DCHS2: variants seen among roughly 807,000 people sequenced by gnomAD.
DCHS2 encodes protocadherin-23.
In DCHS2, 142 loss-of-function variants were observed where a neutral mutation model predicts 182.4. That is an observed-to-expected ratio of 0.78 (90% confidence interval 0.68 to 0.89). The LOEUF is 0.89. Ranked by LOEUF, DCHS2 falls within the 40% of genes least tolerant of loss-of-function variation. DCHS2 has a pLI of 0.00. For synonymous variants in DCHS2, 1,740 were observed against 1,663.3 expected (o/e 1.05, Z -1.12); for missense variants, 4,319 against 4,198.6 (o/e 1.03, Z -0.79).
At chr4:154,454,662 T>A (rs1056266281) in intron 1 of DCHS2, among the ~76,000 whole-genome samples, 1 of 152,140 alleles carries the variant, frequency 6.6e-6, no homozygotes, top group Admixed American at 6.6e-5. Flanking sequence ...ATTTTTAGTC[T>A]TTCCAAGTTC....
chr4:154,320,118 A>G (rs576357207), intron 9 of DCHS2, among the ~76,000 whole-genome samples: 1 of 152,186 alleles, frequency 6.6e-6, no homozygotes, highest in Admixed American at 6.5e-5. Flanking sequence ...TTCCATTTAC[A>G]TGAAGTATCT....
At chr4:154,340,306 T>C (rs1729005445) in intron 3 of DCHS2, among the ~76,000 whole-genome samples, 2 of 152,212 alleles carry the variant, frequency 1.3e-5, no homozygotes, top group Non-Finnish European at 2.9e-5. Context: ...CCTGAGGTTA[T>C]AATAAACAAA....
intron 10 of DCHS2, among the ~76,000 whole-genome samples, chr4:154,309,511 T>C (rs1005481974): frequency 5.9e-5 from 9 of 152,192 alleles, no homozygotes; most frequent in African/African-American, 1.9e-4. Context: ...TTAGGGGTGG[T>C]AGCTGCCTTC....
At chr4:154,323,135 A>G in intron 7 of DCHS2, 4 of 1,447,982 alleles carry the variant, frequency 2.8e-6, no homozygotes, top group Non-Finnish European at 3.7e-6. Context: ...GACATTTTCC[A>G]TGATCTAGAT....
chr4:154,404,358 AT>A (rs1442959786), intron 1 of DCHS2, among the ~76,000 whole-genome samples: 6 of 152,152 alleles, frequency 3.9e-5, no homozygotes, highest in African/African-American at 7.2e-5. Flanking sequence ...TTTATTTCTA[AT>A]TTAATTCCAT....
Position 154,333,404 on chromosome 4 carries a change from CG to C in DCHS2, c.2803del (p.Arg935GlyfsTer33), listed in dbSNP as rs1238988859. 3.4e-5 allele frequency: 55 copies of C among 1,613,944 alleles called. No individual in the cohort carries two copies. Among genetic ancestry groups the C allele is most frequent in the Non-Finnish European group, 4.5e-5 (53 of 1,180,026 alleles). Reference sequence around the variant, plus strand: ...CTGCGTCTCGTGATCCAGGGGCTTCCGGGTGCGAATAGTGCCCAGCCGCGGG... The same window carrying C: ...CTGCGTCTCGTGATCCAGGGGCTTCCGGTGCGAATAGTGCCCAGCCGCGGG... ...IHPRLGTIRT[R>X]KPLDHETQPV... On this transcript the variant is annotated frameshift_variant, in exon 5 of 20. Coordinates refer to ENST00000357232, the MANE Select transcript of DCHS2 (RefSeq NM_001358235.2). LOFTEE classifies it high-confidence loss of function.
intron 3 of DCHS2, among the ~76,000 whole-genome samples, chr4:154,335,777 T>C (rs1728774708): frequency 6.6e-6 from 1 of 152,234 alleles, no homozygotes; most frequent in Admixed American, 6.5e-5. Context: ...CAAAACAATG[T>C]CAAATTATGT....
intron 1 of DCHS2, among the ~76,000 whole-genome samples, chr4:154,379,512 G>A (rs1481737926): frequency 1.3e-5 from 2 of 152,170 alleles, no homozygotes; most frequent in Non-Finnish European, 2.9e-5. Context: ...ACTTAAGCAC[G>A]AGGAAAGTTA....
At chr4:154,287,420 C>T (rs1025633473) in intron 13 of DCHS2, among the ~76,000 whole-genome samples, 1 of 152,088 alleles carries the variant, frequency 6.6e-6, no homozygotes, top group African/African-American at 2.4e-5. Context: ...ATAGTCAAGA[C>T]AGTACAATAA....
At chr4:154,425,957 A>T (rs183984885) in intron 1 of DCHS2, among the ~76,000 whole-genome samples, 1 of 152,234 alleles carries the variant, frequency 6.6e-6, no homozygotes, top group Admixed American at 6.5e-5. Context: ...TTAGATTTGG[A>T]TGCTTTGGAG....
At chr4:154,350,413 A>G (rs1015200107) in intron 3 of DCHS2, among the ~76,000 whole-genome samples, 1 of 152,090 alleles carries the variant, frequency 6.6e-6, no homozygotes, top group Non-Finnish European at 1.5e-5. Context: ...AGTTTTTTTT[A>G]AATTTTTTTT....
intron 1 of DCHS2, among the ~76,000 whole-genome samples, chr4:154,410,950 C>A (rs1030207267): frequency 6.6e-6 from 1 of 152,068 alleles, no homozygotes; most frequent in South Asian, 2.1e-4. Flanking sequence ...ACCTTGCAGA[C>A]CAGGAGAGAA....
Position 154,255,682 on chromosome 4 carries a change from C to A in DCHS2, c.6790-12G>T, listed in dbSNP as rs201764682. The A allele has an allele frequency of 8.7e-6, 14 of 1,609,514 alleles. No homozygotes were observed. Among genetic ancestry groups the A allele is most frequent in the East Asian group, 2.2e-5 (1 of 44,640 alleles). ...TCGGTAGCAAAAACCTGTGAGGAAC[C>A]GACTGTTTCATTAGATAAGATTTAT... On this transcript the variant is annotated splice_polypyrimidine_tract_variant and intron_variant, in intron 15 of 19. Coordinates refer to ENST00000357232, the MANE Select transcript of DCHS2 (RefSeq NM_001358235.2).
Position 154,270,027 on chromosome 4 carries a change from G to A in DCHS2, c.6464-14C>T, listed in dbSNP as rs373300419. On this transcript the variant is annotated splice_polypyrimidine_tract_variant and intron_variant, in intron 13 of 19. Transcript: ENST00000357232. Reference sequence around the variant, plus strand: ...CAATAGAAGTACCTGTAAAAATTAGGTAAAAAAAGAACTCCATTAGGATAA... The same window carrying A: ...CAATAGAAGTACCTGTAAAAATTAGATAAAAAAAGAACTCCATTAGGATAA... 37 of 1,582,478 alleles carry A rather than the reference G, an allele frequency of 2.3e-5. No individual in the cohort carries two copies. The highest frequency in any genetic ancestry group is 3.2e-5 in the Non-Finnish European group (37 of 1,170,764).
chr4:154,347,169 T>A (rs527798873), intron 3 of DCHS2, among the ~76,000 whole-genome samples: 1 of 151,090 alleles, frequency 6.6e-6, no homozygotes, highest in African/African-American at 2.5e-5. Flanking sequence ...TGATTCTATA[T>A]GCTAATTTTA....
intron 2 of DCHS2, among the ~76,000 whole-genome samples, chr4:154,372,876 A>C (rs1277738412): frequency 2.6e-5 from 4 of 152,202 alleles, no homozygotes; most frequent in Admixed American, 2.6e-4. Context: ...CTTCACAAGG[A>C]TAAATAGAGC....
intron 1 of DCHS2, among the ~76,000 whole-genome samples, chr4:154,435,379 G>T (rs973150562): frequency 3.9e-5 from 6 of 152,048 alleles, no homozygotes; most frequent in Admixed American, 3.3e-4. Flanking sequence ...GGCAGATCAC[G>T]AGGTCAGGAG....
intron 3 of DCHS2, among the ~76,000 whole-genome samples, chr4:154,363,754 C>A (rs1035589827): frequency 6.6e-6 from 1 of 152,158 alleles, no homozygotes; most frequent in African/African-American, 2.4e-5. Flanking sequence ...GTTATGTTAA[C>A]CAGCTTGATT....
intron 1 of DCHS2, among the ~76,000 whole-genome samples, chr4:154,411,092 T>C (rs948650962): frequency 2.0e-5 from 3 of 152,204 alleles, no homozygotes; most frequent in African/African-American, 4.8e-5. Flanking sequence ...CCATTTGCTA[T>C]AAACCTGGAG....
Sources: allele counts gnomAD v4.1 joint callset (sites outside exome capture counted in the v4.1 genomes callset), GRCh38; gene constraint gnomAD v4.1.1; transcripts MANE v1.5; gene names NCBI Gene and HGNC (gene_info 2026-07-23, HGNC 2026-07-21).